Variants in ARHGEF2 observed in about 807,000 individuals in gnomAD.
ARHGEF2 encodes the protein Rho/Rac guanine nucleotide exchange factor 2.
ARHGEF2 carries 22 observed loss-of-function variants against 121.0 expected under a neutral mutation model. The ratio of observed to expected loss-of-function variants is 0.18; its 90% CI spans 0.13 to 0.26. The LOEUF (loss-of-function observed/expected upper bound fraction) is 0.26. Ranked by LOEUF, ARHGEF2 falls within the 10% of genes least tolerant of loss-of-function variation. The pLI is 1.00. For synonymous variants in ARHGEF2, 487 were observed against 530.0 expected, an observed-to-expected ratio of 0.92 and a Z score of 1.11; for missense variants, 907 against 1,336.0, an observed-to-expected ratio of 0.68 and a Z score of 5.01.
rs1286687184 is a variant in ARHGEF2 at position 155,962,482 on chromosome 1, CG to C, written c.1101+110del. 6.8e-7 allele frequency: 1 copy of C among 1,468,500 alleles called. No homozygotes were observed. The highest frequency in any genetic ancestry group is 9.3e-7 in the Non-Finnish European group (1 of 1,072,542). 91.0% of individuals were successfully genotyped at this position (1,468,500 alleles called of 1,614,324 possible). A position where few individuals can be genotyped will look rare whatever the true frequency, so the allele number is the denominator to read the frequency against. Reference sequence around the variant, plus strand: ...AGGATCTGTGTATGGATGGTCTGCACGGGTGGCGAATGCCTGACCTCCATGT... The same window carrying C: ...AGGATCTGTGTATGGATGGTCTGCACGGTGGCGAATGCCTGACCTCCATGT... On this transcript the variant is annotated intron_variant, in intron 9 of 21. Transcript: ENST00000361247. This position sits in a 1 kb window ranked among gnomAD's most constrained non-coding sequence, Gnocchi z 5.8.
chr1:155,978,272 A>G lies in ARHGEF2; in HGVS notation c.63+93T>C. 7.4e-7 allele frequency: 1 copy of G among 1,355,242 alleles called. No individual in the cohort carries two copies. The highest frequency in any genetic ancestry group is 9.7e-7 in the Non-Finnish European group (1 of 1,032,728). 84.0% of individuals were successfully genotyped at this position (1,355,242 alleles called of 1,614,324 possible). A position where few individuals can be genotyped will look rare whatever the true frequency, so the allele number is the denominator to read the frequency against. On this transcript the variant is annotated intron_variant, in intron 1 of 21. Coordinates refer to ENST00000361247, the MANE Select transcript of ARHGEF2 (RefSeq NM_001162383.2). The surrounding 1 kb of genome is among the most constrained non-coding windows in gnomAD (Gnocchi z 4.1). Reference sequence around the variant, plus strand: ...GCTCCGCCCGATTTTGGCGCCCAGAAAGCAGGCGGGGAGACAGGAGATGCA... The same window carrying G: ...GCTCCGCCCGATTTTGGCGCCCAGAGAGCAGGCGGGGAGACAGGAGATGCA...
chr1:155,958,006 G>T, intron 12 of ARHGEF2, 124 bp from the exon 13 acceptor site: 1 of 1,010,680 alleles, frequency 9.9e-7, no homozygotes, highest in Non-Finnish European at 1.4e-6. Flanking sequence ...CCAGTTAAGA[G>T]CCAGGCACTG....
chr1:155,978,567 A>G, upstream of ARHGEF2: 1 of 1,273,750 alleles, frequency 7.9e-7, no homozygotes, highest in Non-Finnish European at 9.9e-7. This position sits in a 1 kb window ranked among gnomAD's most constrained non-coding sequence, Gnocchi z 4.1. Flanking sequence ...GGCACCCAGC[A>G]CCAGTTCCTC....
At chr1:155,948,145 A>C in intron 21 of ARHGEF2, 130 bp from the exon 22 acceptor site, 1 of 657,830 alleles carries the variant, frequency 1.5e-6, no homozygotes, top group Non-Finnish European at 2.5e-6. Context: ...AGGGTTCTGT[A>C]AATTCTTGGG....
intron 1 of ARHGEF2, among the ~76,000 whole-genome samples, chr1:155,973,041 G>A (rs1363054778): frequency 6.6e-6 from 1 of 151,218 alleles, no homozygotes; most frequent in Non-Finnish European, 1.5e-5. Context: ...AAATCCCATG[G>A]GAAGTTCTTC....
Position 155,961,274 on chromosome 1 carries a change from CTTTTT to C in ARHGEF2, c.1468+382_1468+386del, listed in dbSNP as rs926226291. On this transcript the variant is annotated intron_variant, in intron 11 of 21. Coordinates refer to ENST00000361247, the MANE Select transcript of ARHGEF2 (RefSeq NM_001162383.2). The surrounding 1 kb of genome is among the most constrained non-coding windows in gnomAD (Gnocchi z 4.7). ...TGGGCTGCATAAAGGGAGGTTGATTCTTTTTTTTTTTTTTTTTTGAGATGGAGTCT... is the reference window on the plus strand; with the variant it reads ...TGGGCTGCATAAAGGGAGGTTGATTCTTTTTTTTTTTTTGAGATGGAGTCT... Among the ~76,000 whole-genome samples, 1 of 131,378 alleles carries C rather than the reference CTTTTT, an allele frequency of 7.6e-6. No homozygotes were observed. 86.2% of individuals were successfully genotyped at this position (131,378 alleles called of 152,430 possible). A position where few individuals can be genotyped will look rare whatever the true frequency, so the allele number is the denominator to read the frequency against.
intron 13 of ARHGEF2, among the ~76,000 whole-genome samples, chr1:155,957,285 T>C (rs1676884100): frequency 6.6e-6 from 1 of 152,274 alleles, no homozygotes. Flanking sequence ...AGTCTGTTTA[T>C]GAGACTTGTT....
intron 2 of ARHGEF2, among the ~76,000 whole-genome samples, chr1:155,967,754 G>A (rs941539268): frequency 6.6e-6 from 1 of 152,134 alleles, no homozygotes; most frequent in Non-Finnish European, 1.5e-5. Flanking sequence ...AGGATTCGCT[G>A]AGCCTAGGCA....
rs924983212 is a variant in ARHGEF2 at position 155,961,172 on chromosome 1, A to T, written c.1468+489T>A. Among the ~76,000 whole-genome samples, 1 of 152,198 alleles carries T rather than the reference A, an allele frequency of 6.6e-6. No homozygotes were observed. Among genetic ancestry groups the T allele is most frequent in the Non-Finnish European group, 1.5e-5 (1 of 68,042 alleles). The stretch of plus-strand genomic sequence containing the variant: ...TGATAGGGAAGGCCCTGTATGGTCC[A>T]TAAAGTTAACTGCAGAATTCAGGCT... On this transcript the variant is annotated intron_variant, in intron 11 of 21. Transcript: ENST00000361247. This position sits in a 1 kb window ranked among gnomAD's most constrained non-coding sequence, Gnocchi z 4.7.
At chr1:155,956,650 C>T (rs1676727072) in intron 13 of ARHGEF2, among the ~76,000 whole-genome samples, 3 of 151,066 alleles carry the variant, frequency 2.0e-5, no homozygotes, top group South Asian at 2.1e-4. Context: ...GGCAAAACCC[C>T]GTCTCCACTA....
chr1:155,956,699 T>C (rs1014829723), intron 13 of ARHGEF2, among the ~76,000 whole-genome samples: 1 of 151,716 alleles, frequency 6.6e-6, no homozygotes, highest in Non-Finnish European at 1.5e-5. Context: ...GGCTCATGCC[T>C]GTAATCCCAG....
chr1:155,969,259 G>C lies in ARHGEF2; in HGVS notation c.105C>G (p.Arg35=), dbSNP rs775055220. 3.1e-6 allele frequency: 5 copies of C among 1,613,994 alleles called. No individual in the cohort carries two copies. In the Admixed American group the frequency reaches 5.0e-5, roughly 16 times the overall value. Reference sequence around the variant, plus strand: ...TGGTGAAGAGGTGCCCATTGGTATAGCGGGCATCCTTGGCTTCCTTCATCT... The same window carrying C: ...TGGTGAAGAGGTGCCCATTGGTATACCGGGCATCCTTGGCTTCCTTCATCT... ...KEKMKEAKDA[R]YTNGHLFTTI... The change falls in exon 2 of 22, where the codon CGC becomes CGG. Residue 35 remains arginine, a synonymous_variant. Coordinates refer to ENST00000361247, the MANE Select transcript of ARHGEF2 (RefSeq NM_001162383.2).
intron 1 of ARHGEF2, chr1:155,971,016 C>T (rs1421351135): frequency 1.1e-5 from 11 of 986,366 alleles, no homozygotes; most frequent in East Asian, 1.1e-4. Context: ...AGGCTCCTCC[C>T]GCTCTGCCTT....
intron 7 of ARHGEF2, among the ~76,000 whole-genome samples, chr1:155,964,216 ATT>A (rs1234592071): frequency 4.2e-5 from 5 of 119,200 alleles, no homozygotes; most frequent in Non-Finnish European, 8.6e-5. Flanking sequence ...ATATATATAT[ATT>A]TTTTTTTTAG....
intron 11 of ARHGEF2, among the ~76,000 whole-genome samples, chr1:155,958,888 T>G (rs1195885612): frequency 8.2e-6 from 1 of 121,720 alleles, no homozygotes; most frequent in Non-Finnish European, 1.6e-5. Flanking sequence ...CACACATTCT[T>G]ACAGCTTAAA....
Position 155,961,853 on chromosome 1 carries a change from G to A in ARHGEF2, c.1276C>T (p.Leu426=). Residue 426 remains leucine, a synonymous_variant, in exon 11 of 22, where the codon CTG becomes TTG. Coordinates refer to ENST00000361247, the MANE Select transcript of ARHGEF2 (RefSeq NM_001162383.2). This position sits in a 1 kb window ranked among gnomAD's most constrained non-coding sequence, Gnocchi z 4.7. ...TAAATACCCTCGTCCACATTGGACA[G>A]CAGCTCCTTCACTAGCCCCAGTGCT... ...TTALGLVKEL[L]SNVDEGIYQL... The A allele has an allele frequency of 6.2e-7, 1 of 1,614,206 alleles. No homozygotes were observed. The highest frequency in any genetic ancestry group is 8.5e-7 in the Non-Finnish European group (1 of 1,180,042).
rs1027423967 is a variant in ARHGEF2 at position 155,970,122 on chromosome 1, A to G, written c.64-822T>C. 3.0e-6 allele frequency: 3 copies of G among 985,158 alleles called. No individual in the cohort carries two copies. In the Admixed American group the frequency reaches 1.8e-4, roughly 61 times the overall value. The allele number at this position is 985,158 out of a possible 1,614,324, so 61.0% of individuals were successfully genotyped here. ...TCTCATACTACTTTCCAGAGTTAAA[A>G]CCTAGGAGAGTTTCCTCTATTGCTC... is the stretch of plus-strand genomic sequence containing the variant. On this transcript the variant is annotated intron_variant, in intron 1 of 21. Transcript: ENST00000361247.
chr1:155,955,039 T>G lies in ARHGEF2; in HGVS notation c.1716-70A>C, dbSNP rs578060797. On this transcript the variant is annotated intron_variant, in intron 13 of 21. Coordinates refer to ENST00000361247, the MANE Select transcript of ARHGEF2 (RefSeq NM_001162383.2). ...GTTATAGACCAGAATCAGCCTTCCCTCCTTCCCAAACATGCCTTATGCTTC... is the reference window on the plus strand; with the variant it reads ...GTTATAGACCAGAATCAGCCTTCCCGCCTTCCCAAACATGCCTTATGCTTC... 4 of 1,339,064 alleles carry G rather than the reference T, an allele frequency of 3.0e-6. No homozygotes were observed. In the African/African-American group the frequency reaches 5.8e-5, roughly 19 times the overall value. The allele number at this position is 1,339,064 out of a possible 1,614,324, so 82.9% of individuals were successfully genotyped here.
chr1:155,963,726 T>C (rs1020745502), intron 7 of ARHGEF2, among the ~76,000 whole-genome samples: 1 of 151,722 alleles, frequency 6.6e-6, no homozygotes, highest in Non-Finnish European at 1.5e-5. Context: ...GGCTGGAGTG[T>C]AGTGGCACAA....
Sources: gnomAD v4.1 joint callset for allele counts (sites outside exome capture counted in the v4.1 genomes callset) on GRCh38, gnomAD v4.1.1 for gene constraint, Gnocchi (gnomAD v3.1) non-coding constraint, MANE v1.5 for transcripts, NCBI Gene and HGNC (gene_info 2026-07-23, HGNC 2026-07-21) for gene names.